Variants in GATA4 observed in about 807,000 individuals in gnomAD.
GATA4 encodes transcription factor GATA-4.
Under a neutral mutation model 37.9 loss-of-function variants are expected in GATA4, and 7 were observed. The observed-to-expected ratio is 0.18, with a 90% confidence interval of 0.11 to 0.35. The LOEUF is 0.35. Ranked by LOEUF, GATA4 falls within the 10% of genes least tolerant of loss-of-function variation. The pLI is 1.00. For missense variants in GATA4, 647 were observed against 653.0 expected (o/e 0.99, Z 0.10); for synonymous variants, 372 against 292.6 (o/e 1.27, Z -2.77).
intron 1 of GATA4, chr8:11,697,508 C>T: frequency 1.0e-6 from 1 of 973,400 alleles, no homozygotes. Flanking sequence ...TGGGCACCTG[C>T]TGCAGTTGGG....
Position 11,750,155 on chromosome 8 carries a change from C to T in GATA4, c.831C>T (p.Thr277=). Residue 277 remains threonine, a synonymous_variant, in exon 4 of 7, where the codon ACC becomes ACT. Transcript: ENST00000532059. ...RVGLSCANCQ[T]TTTTLWRRNA... is the part of the protein sequence containing the mutation. ...GCCTCTCCTGTGCCAACTGCCAGAC[C>T]ACCACCACCACGCTGTGGCGCCGCA... is the stretch of plus-strand genomic sequence containing the variant. 8 of 1,613,250 alleles carry T rather than the reference C, an allele frequency of 5.0e-6. No individual in the cohort carries two copies. The highest frequency in any genetic ancestry group is 6.8e-6 in the Non-Finnish European group (8 of 1,179,754).
chr8:11,748,387 C>G (rs766797183), intron 2 of GATA4, among the ~76,000 whole-genome samples: 24 of 152,024 alleles, frequency 1.6e-4, no homozygotes, highest in African/African-American at 4.8e-5. Context: ...GTGACCCTGT[C>G]TCTAATAAAA....
intron 2 of GATA4, among the ~76,000 whole-genome samples, chr8:11,737,384 C>T (rs1801514677): frequency 6.6e-6 from 1 of 152,238 alleles, no homozygotes; most frequent in African/African-American, 2.4e-5. Flanking sequence ...AAGCCTCTCC[C>T]TGCAGACCCA....
At chr8:11,741,892 G>A (rs10103483) in intron 2 of GATA4, among the ~76,000 whole-genome samples, 5,299 of 152,304 alleles carry the variant, frequency 0.035, 311 homozygotes, top group African/African-American at 0.12. Flanking sequence ...AGCTTTTGCC[G>A]CTGGGGAAGG....
chr8:11,691,696 A>T (rs944129594), upstream of GATA4, among the ~76,000 whole-genome samples: 30 of 152,172 alleles, frequency 2.0e-4, no homozygotes, highest in Admixed American at 1.2e-3. Flanking sequence ...CCTGACTCCC[A>T]GACCAAGGAG....
intron 1 of GATA4, chr8:11,680,830 T>C: frequency 2.0e-6 from 2 of 985,370 alleles, no homozygotes; most frequent in Non-Finnish European, 2.4e-6. Context: ...CCCCACGCTC[T>C]GGGCAGCAAG....
intron 2 of GATA4, among the ~76,000 whole-genome samples, chr8:11,733,799 G>A (rs748829963): frequency 1.6e-4 from 24 of 152,188 alleles, no homozygotes; most frequent in Non-Finnish European, 3.1e-4. Flanking sequence ...CCCATTTCTG[G>A]TGAGGATTAT....
At chr8:11,683,246 T>G (rs1799033754) in intron 1 of GATA4, 1 of 588,872 alleles carries the variant, frequency 1.7e-6, no homozygotes, top group South Asian at 7.4e-5. Flanking sequence ...GGGACGGGGC[T>G]GGCGTGCTCC....
intron 1 of GATA4, among the ~76,000 whole-genome samples, chr8:11,685,204 A>G (rs2129948546): frequency 6.6e-6 from 1 of 152,382 alleles, no homozygotes; most frequent in Non-Finnish European, 1.5e-5. Flanking sequence ...TTCTTAAGAT[A>G]TTCAATGACA....
At chr8:11,748,286 G>C (rs1189923628) in intron 2 of GATA4, among the ~76,000 whole-genome samples, 1 of 152,170 alleles carries the variant, frequency 6.6e-6, no homozygotes, top group Non-Finnish European at 1.5e-5. Context: ...CAGCACTTTG[G>C]GAGGCTGAGG....
At chr8:11,699,464 A>G (rs891569430), upstream of GATA4, among the ~76,000 whole-genome samples, 2 of 151,512 alleles carry the variant, frequency 1.3e-5, no homozygotes, top group African/African-American at 4.9e-5. Flanking sequence ...TGGGAACCAG[A>G]CTCCCTATGT....
chr8:11,702,813 C>G (rs1799728716), upstream of GATA4, among the ~76,000 whole-genome samples: 2 of 152,186 alleles, frequency 1.3e-5, no homozygotes. This position sits in a 1 kb window ranked among gnomAD's most constrained non-coding sequence, Gnocchi z 4.4. Context: ...CCCAGGCAGC[C>G]TCAGTTTCCT....
chr8:11,677,810 G>C (rs1285983418), intron 1 of GATA4, among the ~76,000 whole-genome samples: 1 of 151,960 alleles, frequency 6.6e-6, no homozygotes, highest in Non-Finnish European at 1.5e-5. Flanking sequence ...AAGGAGGCGT[G>C]GGGGTGGGTT....
chr8:11,740,810 T>G (rs902490489), intron 2 of GATA4, among the ~76,000 whole-genome samples: 1 of 151,676 alleles, frequency 6.6e-6, no homozygotes, highest in Non-Finnish European at 1.5e-5. Context: ...CACGGCTCAC[T>G]GCAACCTCTG....
chr8:11,684,975 T>C (rs1370756209), intron 1 of GATA4, among the ~76,000 whole-genome samples: 1 of 152,148 alleles, frequency 6.6e-6, no homozygotes, highest in Non-Finnish European at 1.5e-5. Flanking sequence ...CAAAAAGTGG[T>C]CATATTCTTT....
At chr8:11,706,909 T>G (rs948486478) in intron 1 of GATA4, among the ~76,000 whole-genome samples, 2 of 152,140 alleles carry the variant, frequency 1.3e-5, no homozygotes, top group African/African-American at 2.4e-5. Flanking sequence ...AGCAGGTAAT[T>G]CAAAAAGTGG....
At chr8:11,729,466 G>T (rs535673397) in intron 2 of GATA4, among the ~76,000 whole-genome samples, 1 of 151,848 alleles carries the variant, frequency 6.6e-6, no homozygotes, top group African/African-American at 2.4e-5. Flanking sequence ...CTACTTGGGA[G>T]GCTGAGGCAG....
intron 2 of GATA4, among the ~76,000 whole-genome samples, chr8:11,725,210 C>T (rs192183383): frequency 3.9e-5 from 6 of 152,348 alleles, no homozygotes; most frequent in Admixed American, 3.9e-4. Flanking sequence ...TCATGTGGCC[C>T]AGGCCAATGT....
At chr8:11,752,251 G>C (rs1802339180) in intron 4 of GATA4, among the ~76,000 whole-genome samples, 1 of 152,190 alleles carries the variant, frequency 6.6e-6, no homozygotes, top group Non-Finnish European at 1.5e-5. Context: ...CAGTGGATGG[G>C]TGAACACACA....
Sources: allele counts gnomAD v4.1 joint callset (sites outside exome capture counted in the v4.1 genomes callset), GRCh38; gene constraint gnomAD v4.1.1; non-coding constraint Gnocchi (gnomAD v3.1); transcripts MANE v1.5; gene names NCBI Gene and HGNC (gene_info 2026-07-23, HGNC 2026-07-21).